The following TTN variants were observed in gnomAD, a reference collection of about 807,000 sequenced individuals.
TTN encodes the protein connectin.
Under a neutral mutation model 3,223.0 loss-of-function variants are expected in TTN, and 1,525 were observed. That is an observed-to-expected ratio of 0.47 (90% confidence interval 0.45 to 0.49). The LOEUF is 0.49. Ranked by LOEUF, TTN falls within the 20% of genes least tolerant of loss-of-function variation. The probability of loss-of-function intolerance (pLI) is 0.00; values close to 1 mark genes in which losing one functional copy is unlikely to be tolerated. For synonymous variants in TTN, 14,094 were observed against 15,161.0 expected, an observed-to-expected ratio of 0.93 and a Z score of 5.17; for missense variants, 40,786 against 43,424.0, an observed-to-expected ratio of 0.94 and a Z score of 5.40.
chr2:178,629,100 A>T (rs2059453080), intron 240 of TTN, among the ~76,000 whole-genome samples: 1 of 152,096 alleles, frequency 6.6e-6, no homozygotes, highest in Admixed American at 6.6e-5. Flanking sequence ...CAATTTCAAT[A>T]AAAAAATCAT....
In TTN at chr2:178,572,542, C is replaced by G; in HGVS notation, c.73590G>C (p.Glu24530Asp). The G allele has an allele frequency of 6.2e-7, 1 of 1,613,412 alleles. No individual in the cohort carries two copies. The highest frequency in any genetic ancestry group is 8.5e-7 in the Non-Finnish European group (1 of 1,179,598). ...TGAGTGTGACAGATGTCTTAGTGAC[C>G]TCTTTTACCTTCAGATCCTGTGGGG... is the stretch of plus-strand genomic sequence containing the variant. Reference protein sequence around the residue: ...PGPPQDLKVKEVTKTSVTLTW... With the variant: ...PGPPQDLKVKDVTKTSVTLTW... Residue 24530 changes from glutamate (E) to aspartate (D), a missense_variant, in exon 326 of 363, where the codon GAG becomes GAC. Coordinates refer to ENST00000589042, the MANE Select transcript of TTN (RefSeq NM_001267550.2).
At position 178,731,577 on chromosome 2, in the gene TTN, G is replaced by A. The variant is rs779187099; in HGVS notation, c.17189C>T (p.Pro5730Leu). 4 of 1,597,976 alleles carry A rather than the reference G, an allele frequency of 2.5e-6. No homozygotes were observed. The highest frequency in any genetic ancestry group is 1.7e-4 in the Middle Eastern group (1 of 5,978). Residue 5730 changes from proline (P) to leucine (L), a missense_variant, in exon 59 of 363, where the codon CCA becomes CTA. By Grantham distance (98) the Pro-to-Leu change is moderately conservative. Transcript: ENST00000589042. ...CSARVTLREP[P>L]SFIKKIESTS... The stretch of plus-strand genomic sequence containing the variant: ...ACTCTCGATCTTCTTTATGAAGGAT[G>A]GGGGTTCTAACAGAAGAATGAATTC...
Position 178,588,075 on chromosome 2 carries a change from G to A in TTN, c.63332C>T (p.Ser21111Phe), listed in dbSNP as rs547033801. The A allele has an allele frequency of 4.3e-6, 7 of 1,612,954 alleles. No homozygotes were observed. The Admixed American group carries it at 1.2e-4, about 27-fold the overall frequency. ...VEMRPKIADA[S>F]PDEGWKRCNA... ...ACACCGTTTCCAGCCTTCATCAGGAGACGCATCTGCTATTTTTGGTCTCAT... is the reference window on the plus strand; with the variant it reads ...ACACCGTTTCCAGCCTTCATCAGGAAACGCATCTGCTATTTTTGGTCTCAT... The change falls in exon 305 of 363, where the codon TCT becomes TTT. Residue 21111 changes from serine to phenylalanine, a missense_variant. Transcript: ENST00000589042.
Position 178,717,829 on chromosome 2 carries a change from T to C in TTN, c.25064-19A>G. 6.3e-7 allele frequency: 1 copy of C among 1,587,800 alleles called. No individual in the cohort carries two copies. Among genetic ancestry groups the C allele is most frequent in the Non-Finnish European group, 8.6e-7 (1 of 1,167,976 alleles). On this transcript the variant is annotated intron_variant, in intron 86 of 362. Coordinates refer to ENST00000589042, the MANE Select transcript of TTN (RefSeq NM_001267550.2). ...TTGCGCGCTGTAAAGAAGTTACAGA[T>C]AATCCTTATTTACAGGTGAGAAGGC...
At position 178,612,754 on chromosome 2, in the gene TTN, G is replaced by A. The variant is rs754504176; in HGVS notation, c.49948+19C>T. On this transcript the variant is annotated intron_variant, in intron 265 of 362. Transcript: ENST00000589042. ...ATATTAGAAGAATTTATATATCCCAGACATCAAGAGTGACTTACATAGCTT... is the reference window on the plus strand; with the variant it reads ...ATATTAGAAGAATTTATATATCCCAAACATCAAGAGTGACTTACATAGCTT... 1.3e-6 allele frequency: 2 copies of A among 1,590,912 alleles called. No homozygotes were observed. Among genetic ancestry groups the A allele is most frequent in the Non-Finnish European group, 1.7e-6 (2 of 1,172,550 alleles).
chr2:178,685,457 G>A (rs1464933935), intron 128 of TTN, 61 bp downstream of exon 128: 21 of 1,530,158 alleles, frequency 1.4e-5, no homozygotes, highest in Non-Finnish European at 1.9e-5. Context: ...TTAGCTATAA[G>A]GAAACATAAA....
chr2:178,726,015 T>G lies in TTN; in HGVS notation c.20307A>C (p.Ile6769=). The part of the protein sequence containing the change: ...EPPVFSSFPP[I]VETLKNAEVS... ...CTTCAGCATTTTTAAGGGTTTCTAC[T>G]ATAGGAGGGAAGCTGCTAAAAACAG... The change falls in exon 70 of 363, where the codon ATA becomes ATC. Residue 6769 remains isoleucine, a synonymous_variant. Transcript: ENST00000589042. 6.4e-7 allele frequency: 1 copy of G among 1,552,794 alleles called. No individual in the cohort carries two copies. The highest frequency in any genetic ancestry group is 8.7e-7 in the Non-Finnish European group (1 of 1,146,774).
In TTN at chr2:178,558,378, T is replaced by C. The variant is rs886042694; in HGVS notation, c.87081A>G (p.Arg29027=). The change falls in exon 327 of 363, where the codon AGA becomes AGG. Residue 29027 remains arginine, a synonymous_variant. Transcript: ENST00000589042. ...AENQAGLSDP[R]ELLLPVLIKE... ...TAATAAGAACAGGAAGCAGAAGCTC[T>C]CTCGGGTCACTCAGGCCAGCTTGAT... 1 of 1,613,540 alleles carries C rather than the reference T, an allele frequency of 6.2e-7. No homozygotes were observed. The highest frequency in any genetic ancestry group is 1.3e-5 in the African/African-American group (1 of 74,916).
chr2:178,588,342 T>A, intron 304 of TTN, 123 bp from the exon 305 acceptor site: 13 of 1,165,002 alleles, frequency 1.1e-5, no homozygotes, highest in Non-Finnish European at 1.5e-5. Context: ...GTCCTCTTTA[T>A]TTTCCTTCAT....
chr2:178,653,135 A>G lies in TTN; in HGVS notation c.38792-11T>C. ...TGGGAGCCTCTGGCACTTAAAAGAT[A>G]TTAGGTAAAATTACATTTAGGGGTT... On this transcript the variant is annotated splice_polypyrimidine_tract_variant and intron_variant, in intron 198 of 362. Transcript: ENST00000589042. The G allele has an allele frequency of 6.2e-7, 1 of 1,612,464 alleles. No individual in the cohort carries two copies. The highest frequency in any genetic ancestry group is 8.5e-7 in the Non-Finnish European group (1 of 1,179,346).
At position 178,565,168 on chromosome 2, in the gene TTN, G is replaced by C. The variant is rs755899399; in HGVS notation, c.80964C>G (p.Asp26988Glu). 2.5e-5 allele frequency: 40 copies of C among 1,613,324 alleles called. No homozygotes were observed. The highest frequency in any genetic ancestry group is 2.6e-5 in the Non-Finnish European group (31 of 1,179,616). The change falls in exon 326 of 363, where the codon GAC becomes GAG. Residue 26988 changes from aspartate (D) to glutamate (E), a missense_variant. Physicochemically the swap from Asp to Glu is conservative, Grantham distance 45. Transcript: ENST00000589042. ...GAGGTTCCCAAGATATGACTACAAA[G>C]TCTGCACTAACTTCATCAAACCGAA... ...GPVRFDEVSA[D>E]FVVISWEPPA...
intron 47 of TTN, among the ~76,000 whole-genome samples, chr2:178,743,140 T>A (rs2154320710): frequency 6.6e-6 from 1 of 152,170 alleles, no homozygotes; most frequent in Non-Finnish European, 1.5e-5. Flanking sequence ...TAAAATACCC[T>A]TACTCACTAC....
rs1060503927 is a variant in TTN, at chr2:178,551,187, A to G, written c.91344T>C (p.Arg30448=). The change falls in exon 336 of 363, where the codon CGT becomes CGC. Residue 30448 remains arginine (R), a synonymous_variant. Coordinates refer to ENST00000589042, the MANE Select transcript of TTN (RefSeq NM_001267550.2). The stretch of plus-strand genomic sequence containing the variant: ...AGCCCACAATCTTACTGCCTCCATC[A>G]CGCAATGGTGGGTTCCATTTAAGTG... ...TITLKWNPPL[R]DGGSKIVGYS... 3 of 1,613,376 alleles carry G rather than the reference A, an allele frequency of 1.9e-6. No homozygotes were observed. The African/African-American group carries it at 4.0e-5, about 22-fold the overall frequency.
At position 178,559,797 on chromosome 2, in the gene TTN, G is replaced by A. The variant is rs1060500525; in HGVS notation, c.86335C>T (p.Arg28779Ter). 1.2e-6 allele frequency: 2 copies of A among 1,608,046 alleles called. No homozygotes were observed. The highest frequency in any genetic ancestry group is 1.7e-6 in the Non-Finnish European group (2 of 1,178,030). ...AAGACATTGGGTACTGGTCTTCCTC[G>A]GAAAGGCACAGTCATGGTAAATGAG... ...GASFTMTVPF[R>*]GRPVPNVLWS... Residue 28779 changes from arginine to a stop codon, truncating the protein, a stop_gained, in exon 326 of 363, where the codon CGA becomes TGA. Coordinates refer to ENST00000589042, the MANE Select transcript of TTN (RefSeq NM_001267550.2). LOFTEE classifies it high-confidence loss of function.
Position 178,718,576 on chromosome 2 carries a change from A to C in TTN, c.24530T>G (p.Leu8177Trp). 6.2e-7 allele frequency: 1 copy of C among 1,612,708 alleles called. No homozygotes were observed. The highest frequency in any genetic ancestry group is 1.1e-5 in the South Asian group (1 of 90,978). Residue 8177 changes from leucine to tryptophan, a missense_variant, in exon 85 of 363, where the codon TTG (leucine) becomes TGG (tryptophan). By Grantham distance (61) the Leu-to-Trp change is moderately conservative. Coordinates refer to ENST00000589042, the MANE Select transcript of TTN (RefSeq NM_001267550.2). Reference protein sequence around the residue: ...VKEPATFVKRLADFSVETGSP... With the variant: ...VKEPATFVKRWADFSVETGSP... ...TCCTGTCTCAACACTGAAATCAGCC[A>C]ATCTTTTCACAAAGGTGGCTGGTTC...
rs1342382839 is a variant in TTN, at chr2:178,560,511, C to G, written c.85621G>C (p.Ala28541Pro). ...YGVGEPLESVAIKALDPFTVP... is the reference protein window; with the variant it reads ...YGVGEPLESVPIKALDPFTVP... ...GTAAATGGATCTAGTGCCTTTATAGCTACACTCTCTAGGGGCTCACCAACA... is the reference window on the plus strand; with the variant it reads ...GTAAATGGATCTAGTGCCTTTATAGGTACACTCTCTAGGGGCTCACCAACA... The change falls in exon 326 of 363, where the codon GCT becomes CCT. Residue 28541 changes from alanine to proline, a missense_variant. By Grantham distance (27) the Ala-to-Pro change is conservative (BLOSUM62 -1). Transcript: ENST00000589042. The G allele has an allele frequency of 6.2e-7, 1 of 1,612,896 alleles. No homozygotes were observed. Among genetic ancestry groups the G allele is most frequent in the Admixed American group, 1.7e-5 (1 of 59,932 alleles).
chr2:178,718,876 C>G lies in TTN; in HGVS notation c.24324G>C (p.Lys8108Asn). 1 of 1,613,628 alleles carries G rather than the reference C, an allele frequency of 6.2e-7. No homozygotes were observed. The highest frequency in any genetic ancestry group is 8.5e-7 in the Non-Finnish European group (1 of 1,179,718). ...TSVIRGTPPF[K>N]VKWFKGSREL... is the part of the protein sequence containing the mutation. Reference sequence around the variant, plus strand: ...CCCTGCTGCCTTTAAACCACTTGACCTTGAAAGGAGGGGTGCCTCTGATGA... The same window carrying G: ...CCCTGCTGCCTTTAAACCACTTGACGTTGAAAGGAGGGGTGCCTCTGATGA... The change falls in exon 84 of 363, where the codon AAG (lysine) becomes AAC (asparagine). Residue 8108 changes from lysine (K) to asparagine (N), a missense_variant. By Grantham distance (94) the Lys-to-Asn change is moderately conservative. Coordinates refer to ENST00000589042, the MANE Select transcript of TTN (RefSeq NM_001267550.2).
intron 210 of TTN, 77 bp from the exon 211 acceptor site, chr2:178,649,971 A>C: frequency 1.3e-6 from 2 of 1,505,816 alleles, no homozygotes; most frequent in Non-Finnish European, 1.8e-6. Flanking sequence ...ATTAAAAACC[A>C]CACATATTTC....
Position 178,543,276 on chromosome 2 carries a change from G to A in TTN, c.96697C>T (p.Arg32233Ter), listed in dbSNP as rs781171206. The change falls in exon 347 of 363, where the codon CGA (arginine) becomes TGA (stop). Residue 32233 changes from arginine to a stop codon, truncating the protein, a stop_gained. Transcript: ENST00000589042. LOFTEE classifies it high-confidence loss of function. ...WEKPLYDGGS[R>*]LTGYVLEACK... ...GCCTCGAGAACATATCCAGTGAGTC[G>A]GCTACCACCATCGTAGAGTGGTTTT... The A allele has an allele frequency of 4.3e-6, 7 of 1,613,706 alleles. No homozygotes were observed. Among genetic ancestry groups the A allele is most frequent in the Non-Finnish European group, 5.9e-6 (7 of 1,179,762 alleles).
Sources: gnomAD v4.1 joint callset for allele counts (sites outside exome capture counted in the v4.1 genomes callset) on GRCh38, gnomAD v4.1.1 for gene constraint, MANE v1.5 for transcripts, NCBI Gene and HGNC (gene_info 2026-07-23, HGNC 2026-07-21) for gene names.